The following RAB3C variants were observed in gnomAD, a reference collection of about 807,000 sequenced individuals.
RAB3C encodes the protein ras-related protein Rab-3C.
Under a neutral mutation model 26.4 loss-of-function variants are expected in RAB3C, and 17 were observed. The ratio of observed to expected loss-of-function variants is 0.64; its 90% CI spans 0.44 to 0.97. The LOEUF (loss-of-function observed/expected upper bound fraction) is 0.97. Ranked by LOEUF, RAB3C falls within the 50% of genes least tolerant of loss-of-function variation. The pLI, the probability that RAB3C is intolerant of heterozygous loss-of-function variation, is 0.00. For missense variants in RAB3C, 242 were observed against 281.9 expected (o/e 0.86, Z 1.01); for synonymous variants, 91 against 95.9 (o/e 0.95, Z 0.30).
At chr5:58,829,600 G>T (rs1400796276) in intron 4 of RAB3C, among the ~76,000 whole-genome samples, 1 of 152,174 alleles carries the variant, frequency 6.6e-6, no homozygotes, top group African/African-American at 2.4e-5. Flanking sequence ...CTTCTGAGGA[G>T]AAGTCATTAT....
intron 1 of RAB3C, among the ~76,000 whole-genome samples, chr5:58,588,163 G>A (rs1347506824): frequency 1.3e-5 from 2 of 152,066 alleles, no homozygotes; most frequent in African/African-American, 4.8e-5. Flanking sequence ...GGCTATAAAT[G>A]TTTTTTCTAT....
At chr5:58,749,197 G>A (rs1249648745) in intron 3 of RAB3C, among the ~76,000 whole-genome samples, 1 of 152,144 alleles carries the variant, frequency 6.6e-6, no homozygotes, top group Non-Finnish European at 1.5e-5. Context: ...CTAATCTCCA[G>A]AAGCAGTAGT....
intron 2 of RAB3C, among the ~76,000 whole-genome samples, chr5:58,672,837 G>A (rs1007979184): frequency 1.1e-4 from 16 of 152,004 alleles, no homozygotes; most frequent in African/African-American, 2.2e-4. Context: ...ACTTAGTTTC[G>A]AATAATGCTC....
chr5:58,588,448 C>T (rs990681221), intron 1 of RAB3C, among the ~76,000 whole-genome samples: 7 of 152,044 alleles, frequency 4.6e-5, no homozygotes, highest in Non-Finnish European at 8.8e-5. Flanking sequence ...TTGAATTTTC[C>T]TAATGATGAA....
intron 3 of RAB3C, among the ~76,000 whole-genome samples, chr5:58,738,343 T>G (rs1228220506): frequency 6.6e-6 from 1 of 152,218 alleles, no homozygotes; most frequent in East Asian, 1.9e-4. Context: ...TTTGCTAAGT[T>G]TCTGTTCAGA....
intron 2 of RAB3C, among the ~76,000 whole-genome samples, chr5:58,698,016 C>T (rs905290077): frequency 3.9e-5 from 6 of 152,132 alleles, no homozygotes; most frequent in Non-Finnish European, 5.9e-5. Context: ...TTCATAGCAT[C>T]GATGGTCTTT....
intron 2 of RAB3C, among the ~76,000 whole-genome samples, chr5:58,652,668 TTAG>T (rs1055190924): frequency 1.3e-4 from 19 of 148,978 alleles, no homozygotes; most frequent in African/African-American, 4.7e-4. Context: ...ATCTATATAT[TTAG>T]ATGTTTAGGG....
intron 2 of RAB3C, among the ~76,000 whole-genome samples, chr5:58,681,648 G>A (rs1748346776): frequency 6.6e-6 from 1 of 152,196 alleles, no homozygotes; most frequent in Non-Finnish European, 1.5e-5. Flanking sequence ...GGAATCATTT[G>A]TATTTGGGAA....
chr5:58,842,205 G>A (rs535166253), intron 4 of RAB3C, among the ~76,000 whole-genome samples: 2 of 152,236 alleles, frequency 1.3e-5, no homozygotes, highest in African/African-American at 2.4e-5. Flanking sequence ...ACTGATAAAA[G>A]AGAAGTCTTA....
rs138520769 is a variant in RAB3C, at chr5:58,736,802, A to G, written c.371+10682A>G. On this transcript the variant is annotated intron_variant, in intron 3 of 4. Transcript: ENST00000282878. Reference sequence around the variant, plus strand: ...TATAACGTCAACATCTTTTGGGAGGACACAACTCAACCCATAATACACTGC... The same window carrying G: ...TATAACGTCAACATCTTTTGGGAGGGCACAACTCAACCCATAATACACTGC... 1.4e-4 allele frequency among the ~76,000 whole-genome samples: 22 copies of G among 152,262 alleles called. No homozygotes were observed. The East Asian group carries it at 4.3e-3, about 29-fold the overall frequency.
Position 58,686,817 on chromosome 5 carries a change from G to T in RAB3C, c.253-39185G>T, listed in dbSNP as rs147876690. ...TTTTGAAATAAATTTATAGGTAACA[G>T]GGTATCCTCTTGGCCCATCCAGTTG... On this transcript the variant is annotated intron_variant, in intron 2 of 4. Transcript: ENST00000282878. Among the ~76,000 whole-genome samples the T allele has an allele frequency of 3.9e-4, 60 of 152,114 alleles. No individual in the cohort carries two copies. In the East Asian group the frequency reaches 8.5e-3, roughly 22 times the overall value.
intron 2 of RAB3C, among the ~76,000 whole-genome samples, chr5:58,699,313 G>A (rs566518382): frequency 6.0e-5 from 9 of 149,600 alleles, no homozygotes; most frequent in Admixed American, 1.3e-4. Context: ...AGCAAATATT[G>A]CTGCCTGATC....
chr5:58,835,347 C>T lies in RAB3C; in HGVS notation c.496+10185C>T, dbSNP rs367584547. On this transcript the variant is annotated intron_variant, in intron 4 of 4. Coordinates refer to ENST00000282878, the MANE Select transcript of RAB3C (RefSeq NM_138453.4). ...TCTTACTAATCCAGATCTTACCAAC[C>T]TTTGACCCCTGAGTTTCCCCATTCT... 7.2e-5 allele frequency among the ~76,000 whole-genome samples: 11 copies of T among 152,268 alleles called. No individual in the cohort carries two copies. The South Asian group carries it at 1.0e-3, about 14-fold the overall frequency.
At chr5:58,729,896 C>G (rs961628161) in intron 3 of RAB3C, among the ~76,000 whole-genome samples, 22 of 144,760 alleles carry the variant, frequency 1.5e-4, no homozygotes, top group Non-Finnish European at 2.1e-4. Flanking sequence ...TATACATATA[C>G]TATATGTATA....
At chr5:58,656,095 C>T (rs2111796694) in intron 2 of RAB3C, among the ~76,000 whole-genome samples, 1 of 152,214 alleles carries the variant, frequency 6.6e-6, no homozygotes, top group South Asian at 2.1e-4. Flanking sequence ...CTAAACCTAA[C>T]TCTTACATGG....
intron 2 of RAB3C, among the ~76,000 whole-genome samples, chr5:58,717,469 T>A (rs146606856): frequency 3.6e-4 from 55 of 152,210 alleles, no homozygotes; most frequent in Admixed American, 7.2e-4. Context: ...GTGACAGACA[T>A]CTGAATGCTG....
intron 4 of RAB3C, among the ~76,000 whole-genome samples, chr5:58,840,235 T>C (rs2112078691): frequency 6.6e-6 from 1 of 152,196 alleles, no homozygotes; most frequent in African/African-American, 2.4e-5. Flanking sequence ...TTCTTTTTTC[T>C]TCTTGGTCTA....
chr5:58,702,611 A>G (rs1013766483), intron 2 of RAB3C, among the ~76,000 whole-genome samples: 1 of 151,680 alleles, frequency 6.6e-6, no homozygotes, highest in South Asian at 2.1e-4. Flanking sequence ...TCCTGCACAC[A>G]CACATCCTTC....
chr5:58,812,039 C>A (rs1270099661), intron 3 of RAB3C, among the ~76,000 whole-genome samples: 1 of 152,048 alleles, frequency 6.6e-6, no homozygotes, highest in Non-Finnish European at 1.5e-5. Flanking sequence ...CTTTCTGAGC[C>A]CAACATCATC....
Sources: allele counts gnomAD v4.1 joint callset (sites outside exome capture counted in the v4.1 genomes callset), GRCh38; gene constraint gnomAD v4.1.1; transcripts MANE v1.5; gene names NCBI Gene and HGNC (gene_info 2026-07-23, HGNC 2026-07-21).